DUSP4: variants seen among roughly 807,000 people sequenced by gnomAD.
The protein encoded by DUSP4 is dual specificity phosphatase 4.
In DUSP4, 12 loss-of-function variants were observed where a neutral mutation model predicts 27.2. The observed-to-expected ratio is 0.44, with a 90% CI of 0.28 to 0.71. DUSP4 has a LOEUF of 0.71. Among genes scored for constraint, DUSP4 ranks in the 30% least tolerant of loss-of-function variants. The pLI, the probability that DUSP4 is intolerant of heterozygous loss-of-function variation, is 0.14. For synonymous variants in DUSP4, 257 were observed against 245.2 expected (o/e 1.05, Z -0.45); for missense variants, 448 against 551.3 (o/e 0.81, Z 1.88).
intron 1 of DUSP4, among the ~76,000 whole-genome samples, chr8:29,344,714 G>A (rs991452120): frequency 6.6e-6 from 1 of 152,134 alleles, no homozygotes; most frequent in Admixed American, 6.5e-5. Flanking sequence ...AGGAGTAGGA[G>A]ATAATGTATG....
intron 1 of DUSP4, among the ~76,000 whole-genome samples, chr8:29,342,646 C>G (rs1248845024): frequency 6.6e-6 from 1 of 152,194 alleles, no homozygotes; most frequent in African/African-American, 2.4e-5. Context: ...CAGCAGAACC[C>G]TTGTCAGGGA....
At position 29,333,853 on chromosome 8, in the gene DUSP4, GC is replaced by G. The variant is rs1817532219; in HGVS notation, c.*3172del. 1 of 152,200 alleles carries G rather than the reference GC, an allele frequency of 6.6e-6. No individual in the cohort carries two copies. Among genetic ancestry groups the G allele is most frequent in the Non-Finnish European group, 1.5e-5 (1 of 68,066 alleles). 9.4% of individuals were successfully genotyped at this position (152,200 alleles called of 1,614,324 possible). A position where few individuals can be genotyped will look rare whatever the true frequency, so the allele number is the denominator to read the frequency against. Reference sequence around the variant, plus strand: ...GTTGATGGCCAATTCCCAATCTCCAGCCTCTTCCTGTCATGTTGGAGTCAAC... The same window carrying G: ...GTTGATGGCCAATTCCCAATCTCCAGCTCTTCCTGTCATGTTGGAGTCAAC... On this transcript the variant is annotated 3_prime_UTR_variant, in exon 4 of 4. Transcript: ENST00000240100.
intron 1 of DUSP4, 21 bp downstream of exon 1, chr8:29,349,825 G>A: frequency 1.4e-6 from 2 of 1,475,956 alleles, no homozygotes; most frequent in Non-Finnish European, 1.8e-6. Context: ...ACTCCAGCTA[G>A]CGCCCGGAGC....
chr8:29,342,567 C>A (rs1306620638), intron 1 of DUSP4, among the ~76,000 whole-genome samples: 2 of 152,124 alleles, frequency 1.3e-5, no homozygotes, highest in Non-Finnish European at 2.9e-5. Flanking sequence ...CTCCTGGAAA[C>A]CTGTCTCTTG....
In DUSP4 at chr8:29,336,769, A is replaced by G; in HGVS notation, c.*257T>C. The G allele has an allele frequency of 2.2e-6, 1 of 448,064 alleles. No individual in the cohort carries two copies. The allele number at this position is 448,064 out of a possible 1,614,324, so 27.8% of individuals were successfully genotyped here. On this transcript the variant is annotated 3_prime_UTR_variant, in exon 4 of 4. Transcript: ENST00000240100. ...TTTCTATCGGAAAAGTGAAACTGAC[A>G]CATAAACCAAACCAAGGTCTTCCCT...
At position 29,345,932 on chromosome 8, in the gene DUSP4, G is replaced by A. The variant is rs915591056; in HGVS notation, c.433+3914C>T. On this transcript the variant is annotated intron_variant, in intron 1 of 3. Coordinates refer to ENST00000240100, the MANE Select transcript of DUSP4 (RefSeq NM_001394.7). ...GGGCATTGTATTACATTTGTAAGCA[G>A]AAACTACCATATTTGCAAGCAGAAA... The A allele has an allele frequency of 4.6e-6, 3 of 646,544 alleles. No individual in the cohort carries two copies. In the African/African-American group the frequency reaches 1.8e-4, roughly 39 times the overall value. 40.1% of individuals were successfully genotyped at this position (646,544 alleles called of 1,614,324 possible).
intron 1 of DUSP4, among the ~76,000 whole-genome samples, chr8:29,349,119 T>A (rs1455702966): frequency 1.3e-5 from 2 of 152,180 alleles, no homozygotes; most frequent in African/African-American, 4.8e-5. Context: ...AAATCCGGGC[T>A]GAACAAAAGG....
In DUSP4 at chr8:29,333,719, C is replaced by T. The variant is rs528193968; in HGVS notation, c.*3307G>A. 6.6e-6 allele frequency: 1 copy of T among 152,264 alleles called. No homozygotes were observed. The highest frequency in any genetic ancestry group is 2.4e-5 in the African/African-American group (1 of 41,448). 9.4% of individuals were successfully genotyped at this position (152,264 alleles called of 1,614,324 possible). A position where few individuals can be genotyped will look rare whatever the true frequency, so the allele number is the denominator to read the frequency against. ...CTACGAAACACACTGATGCCTGAGT[C>T]CCCCACCTAGAATTGGTTGAACTGG... On this transcript the variant is annotated 3_prime_UTR_variant, in exon 4 of 4. Coordinates refer to ENST00000240100, the MANE Select transcript of DUSP4 (RefSeq NM_001394.7).
rs1318891272 is a variant in DUSP4 at position 29,333,816 on chromosome 8, A to G, written c.*3210T>C. The G allele has an allele frequency of 6.6e-6, 1 of 152,246 alleles. No individual in the cohort carries two copies. The highest frequency in any genetic ancestry group is 1.5e-5 in the Non-Finnish European group (1 of 68,080). The allele number at this position is 152,246 out of a possible 1,614,324, so 9.4% of individuals were successfully genotyped here. The stretch of plus-strand genomic sequence containing the variant: ...TCCAATGCGGGACCATGGCTTTACT[A>G]CTACAGGCTTGGTTGATGGCCAATT... On this transcript the variant is annotated 3_prime_UTR_variant, in exon 4 of 4. Coordinates refer to ENST00000240100, the MANE Select transcript of DUSP4 (RefSeq NM_001394.7).
chr8:29,347,736 A>G, intron 1 of DUSP4: 1 of 984,910 alleles, frequency 1.0e-6, no homozygotes, highest in Non-Finnish European at 1.2e-6. Flanking sequence ...CCCTTAAAGT[A>G]CTTCTCTTAT....
intron 1 of DUSP4, 43 bp downstream of exon 1, chr8:29,349,802 CT>C (rs1197372668): frequency 6.9e-7 from 1 of 1,455,832 alleles, no homozygotes; most frequent in African/African-American, 1.4e-5. Context: ...CCAAGACCCC[CT>C]CCATCTCCCC....
intron 1 of DUSP4, chr8:29,345,392 C>A (rs1475544157): frequency 1.2e-6 from 2 of 1,613,672 alleles, no homozygotes; most frequent in South Asian, 1.1e-5. Context: ...AACACAGACA[C>A]CTGGACCTTC....
chr8:29,340,710 C>T (rs749054063), intron 1 of DUSP4, among the ~76,000 whole-genome samples: 9 of 152,188 alleles, frequency 5.9e-5, no homozygotes, highest in Non-Finnish European at 1.3e-4. Context: ...GGTACAAACT[C>T]TTCTGGATCT....
In DUSP4 at chr8:29,333,752, G is replaced by A. The variant is rs1036156113; in HGVS notation, c.*3274C>T. On this transcript the variant is annotated 3_prime_UTR_variant, in exon 4 of 4. Transcript: ENST00000240100. The stretch of plus-strand genomic sequence containing the variant: ...TAGAATTGGTTGAACTGGTCTAGGA[G>A]AGCCTGGGTATCAGAACTGTATAAG... 6.6e-6 allele frequency: 1 copy of A among 152,246 alleles called. No homozygotes were observed. The highest frequency in any genetic ancestry group is 2.4e-5 in the African/African-American group (1 of 41,460). 9.4% of individuals were successfully genotyped at this position (152,246 alleles called of 1,614,324 possible).
At position 29,334,450 on chromosome 8, in the gene DUSP4, G is replaced by A. The variant is rs1002163813; in HGVS notation, c.*2576C>T. On this transcript the variant is annotated 3_prime_UTR_variant, in exon 4 of 4. Coordinates refer to ENST00000240100, the MANE Select transcript of DUSP4 (RefSeq NM_001394.7). ...GTTTTGGGACTCGTGCTGTTATCAAGTACAATGAAAATGGCTTTATAAATA... is the reference window on the plus strand; with the variant it reads ...GTTTTGGGACTCGTGCTGTTATCAAATACAATGAAAATGGCTTTATAAATA... 2.0e-5 allele frequency: 3 copies of A among 152,214 alleles called. No individual in the cohort carries two copies. The highest frequency in any genetic ancestry group is 4.8e-5 in the African/African-American group (2 of 41,454). The allele number at this position is 152,214 out of a possible 1,614,324, so 9.4% of individuals were successfully genotyped here.
chr8:29,348,882 C>G (rs2117278424), intron 1 of DUSP4: 2 of 768,182 alleles, frequency 2.6e-6, no homozygotes, highest in African/African-American at 3.6e-5. Context: ...GGAGGCGCAG[C>G]GCGGCGGGGG....
intron 1 of DUSP4, among the ~76,000 whole-genome samples, chr8:29,342,733 C>T (rs903203786): frequency 6.6e-6 from 1 of 152,174 alleles, no homozygotes; most frequent in Admixed American, 6.5e-5. Flanking sequence ...GGGGAACAGG[C>T]TAGATGTGGC....
In DUSP4 at chr8:29,338,289, C is replaced by G. The variant is rs768212045; in HGVS notation, c.792G>C (p.Glu264Asp). 6.2e-7 allele frequency: 1 copy of G among 1,612,580 alleles called. No homozygotes were observed. The highest frequency in any genetic ancestry group is 8.5e-7 in the Non-Finnish European group (1 of 1,178,984). ...DISSWFMEAI[E>D]YIDAVKDCRG... ...AGAGCAGGGCCAGCCTACCGATGTA[C>G]TCTATGGCTTCCATGAACCAGGAGC... The change falls in exon 3 of 4, where the codon GAG becomes GAC. Residue 264 changes from glutamate (E) to aspartate (D), a missense_variant. Physicochemically the swap from Glu to Asp is conservative, Grantham distance 45. Transcript: ENST00000240100.
At chr8:29,342,366 A>G (rs1185886503) in intron 1 of DUSP4, among the ~76,000 whole-genome samples, 3 of 152,034 alleles carry the variant, frequency 2.0e-5, no homozygotes, top group Non-Finnish European at 4.4e-5. Context: ...CCCTGCACAA[A>G]GGCCTATGAG....
Sources: gnomAD v4.1 joint callset for allele counts (sites outside exome capture counted in the v4.1 genomes callset) on GRCh38, gnomAD v4.1.1 for gene constraint, MANE v1.5 for transcripts, NCBI Gene and HGNC (gene_info 2026-07-23, HGNC 2026-07-21) for gene names.